Variants in PDE4D observed in about 807,000 individuals in gnomAD.
PDE4D encodes phosphodiesterase 4D.
In PDE4D, 24 loss-of-function variants were observed where a neutral mutation model predicts 87.4. The observed-to-expected ratio is 0.27, with a 90% CI of 0.20 to 0.39. PDE4D has a LOEUF of 0.39. Among genes scored for constraint, PDE4D ranks in the 10% least tolerant of loss-of-function variants. The probability of loss-of-function intolerance (pLI) is 1.00; values close to 1 mark genes in which losing one functional copy is unlikely to be tolerated. For missense variants in PDE4D, 714 were observed against 1,041.0 expected, an observed-to-expected ratio of 0.69 and a Z score of 4.32; for synonymous variants, 384 against 383.2, an observed-to-expected ratio of 1.00 and a Z score of -0.02.
intron 10 of PDE4D, among the ~76,000 whole-genome samples, 163 bp downstream of exon 10, chr5:58,989,592 A>G (rs1196126875): frequency 6.6e-6 from 1 of 150,496 alleles, no homozygotes; most frequent in Non-Finnish European, 1.5e-5. Flanking sequence ...AATCCATCAA[A>G]GACTTGATTG....
intron 1 of PDE4D, among the ~76,000 whole-genome samples, chr5:60,235,699 C>T (rs1284328173): frequency 2.0e-5 from 3 of 151,824 alleles, no homozygotes; most frequent in Non-Finnish European, 4.4e-5. Flanking sequence ...CAATATCATA[C>T]AGCTATTAGT....
At chr5:59,558,254 A>G (rs1442713404) in intron 1 of PDE4D, among the ~76,000 whole-genome samples, 1 of 152,144 alleles carries the variant, frequency 6.6e-6, no homozygotes, top group African/African-American at 2.4e-5. Flanking sequence ...GGTAAATTAG[A>G]AGGTATATCA....
intron 5 of PDE4D, among the ~76,000 whole-genome samples, chr5:59,091,759 CTTAAAA>C (rs942770912): frequency 8.5e-5 from 13 of 152,120 alleles, no homozygotes; most frequent in African/African-American, 2.9e-4. Context: ...ATTTGTTAAA[CTTAAAA>C]TTTAAATTTT....
At chr5:60,200,326 C>T (rs1032669467) in intron 1 of PDE4D, among the ~76,000 whole-genome samples, 3 of 151,492 alleles carry the variant, frequency 2.0e-5, no homozygotes, top group Non-Finnish European at 4.4e-5. Flanking sequence ...CTCCTGCACC[C>T]AGAAGTTATT....
At chr5:59,965,256 C>A (rs1012442948) in intron 3 of PDE4D, among the ~76,000 whole-genome samples, 52 of 152,046 alleles carry the variant, frequency 3.4e-4, no homozygotes, top group Admixed American at 3.1e-3. Context: ...GCTGTTAATT[C>A]CTCAACTTAA....
At chr5:60,013,581 C>G (rs188086352) in intron 2 of PDE4D, among the ~76,000 whole-genome samples, 4 of 152,168 alleles carry the variant, frequency 2.6e-5, no homozygotes, top group African/African-American at 4.8e-5. Flanking sequence ...GCAATTTGCC[C>G]TAAGTTATAC....
intron 5 of PDE4D, among the ~76,000 whole-genome samples, chr5:59,156,789 A>G (rs1485414630): frequency 1.3e-5 from 2 of 152,066 alleles, no homozygotes; most frequent in African/African-American, 4.8e-5. Context: ...AATTTTCAGG[A>G]CTCATTTACT....
At chr5:59,824,214 A>C (rs749161802) in intron 1 of PDE4D, among the ~76,000 whole-genome samples, 3 of 152,156 alleles carry the variant, frequency 2.0e-5, no homozygotes, top group Non-Finnish European at 4.4e-5. Flanking sequence ...ATGTGTAATC[A>C]ATATTAAAAA....
chr5:59,010,250 C>T (rs957837381), intron 6 of PDE4D, among the ~76,000 whole-genome samples: 1 of 152,018 alleles, frequency 6.6e-6, no homozygotes, highest in African/African-American at 2.4e-5. Flanking sequence ...TTGCTTGAGC[C>T]CGGGAGGCAG....
At chr5:59,700,111 C>T (rs1243539373) in intron 1 of PDE4D, among the ~76,000 whole-genome samples, 2 of 152,156 alleles carry the variant, frequency 1.3e-5, no homozygotes, top group African/African-American at 4.8e-5. Context: ...TGAACTCTAT[C>T]CTGTTGCCAA....
intron 1 of PDE4D, among the ~76,000 whole-genome samples, chr5:59,550,045 A>G (rs965533403): frequency 2.6e-5 from 4 of 151,934 alleles, no homozygotes; most frequent in African/African-American, 7.3e-5. Context: ...AAAACCACCT[A>G]TAACACTTTG....
At chr5:59,396,678 C>T (rs1489680251) in intron 1 of PDE4D, among the ~76,000 whole-genome samples, 4 of 114,664 alleles carry the variant, frequency 3.5e-5, no homozygotes, top group Non-Finnish European at 7.2e-5. Context: ...CATCAACTAA[C>T]GAGCAAAATA....
intron 1 of PDE4D, among the ~76,000 whole-genome samples, chr5:59,402,156 C>T (rs1247760762): frequency 6.6e-6 from 1 of 152,106 alleles, no homozygotes. Context: ...CATGGAAATT[C>T]GTTTTATTTT....
intron 1 of PDE4D, among the ~76,000 whole-genome samples, chr5:60,459,299 A>G (rs1746736762): frequency 6.6e-6 from 1 of 152,184 alleles, no homozygotes; most frequent in Non-Finnish European, 1.5e-5. Flanking sequence ...GCCAAAGGAG[A>G]AGCCATGTTG....
At chr5:59,905,360 T>C (rs1236483649) in intron 3 of PDE4D, among the ~76,000 whole-genome samples, 1 of 152,174 alleles carries the variant, frequency 6.6e-6, no homozygotes, top group Non-Finnish European at 1.5e-5. Context: ...TGGCCAATTA[T>C]AAACCACAGA....
At chr5:60,143,704 CGAAACCATGGTTGA>C (rs1780756917) in intron 2 of PDE4D, among the ~76,000 whole-genome samples, 1 of 148,576 alleles carries the variant, frequency 6.7e-6, no homozygotes, top group African/African-American at 2.5e-5. Flanking sequence ...GATTTTAATG[CGAAACCATGGTTGA>C]GAAACACCCA....
At chr5:60,158,164 T>A (rs566232404) in intron 2 of PDE4D, among the ~76,000 whole-genome samples, 1 of 152,176 alleles carries the variant, frequency 6.6e-6, no homozygotes, top group Non-Finnish European at 1.5e-5. Flanking sequence ...AAGATATCCA[T>A]CATAAGTGAT....
chr5:59,415,700 C>A (rs1562144861), intron 1 of PDE4D, among the ~76,000 whole-genome samples: 1 of 151,996 alleles, frequency 6.6e-6, no homozygotes, highest in African/African-American at 2.4e-5. Flanking sequence ...GTAAAAAATA[C>A]ATACAGGATT....
intron 1 of PDE4D, among the ~76,000 whole-genome samples, chr5:60,382,450 C>A (rs1239476382): frequency 6.6e-6 from 1 of 152,160 alleles, no homozygotes; most frequent in Non-Finnish European, 1.5e-5. Flanking sequence ...GAGCTAGACA[C>A]CAAGAGCATC....
Sources: allele counts gnomAD v4.1 joint callset (sites outside exome capture counted in the v4.1 genomes callset), GRCh38; gene constraint gnomAD v4.1.1; transcripts MANE v1.5; gene names NCBI Gene and HGNC (gene_info 2026-07-23, HGNC 2026-07-21).